Variants in TMEM163 observed in about 807,000 individuals in gnomAD.
TMEM163 encodes transmembrane protein 163.
Under a neutral mutation model 29.3 loss-of-function variants are expected in TMEM163, and 17 were observed. The observed-to-expected ratio is 0.58, with a 90% CI of 0.40 to 0.87. The LOEUF is 0.87. Ranked by LOEUF, TMEM163 falls within the 40% of genes least tolerant of loss-of-function variation. The pLI is 0.00. For synonymous variants in TMEM163, 157 were observed against 160.6 expected (o/e 0.98, Z 0.17); for missense variants, 303 against 381.5 (o/e 0.79, Z 1.71).
chr2:134,683,498 A>T (rs1406857472), intron 2 of TMEM163, among the ~76,000 whole-genome samples: 1 of 152,216 alleles, frequency 6.6e-6, no homozygotes, highest in Non-Finnish European at 1.5e-5. Flanking sequence ...CCACCAGAAC[A>T]ACTTTTCTGA....
intron 2 of TMEM163, among the ~76,000 whole-genome samples, chr2:134,564,612 AC>A (rs1411037108): frequency 2.0e-5 from 3 of 152,238 alleles, no homozygotes; most frequent in African/African-American, 7.2e-5. Flanking sequence ...AAACATAACT[AC>A]CAGGGGACTT....
At chr2:134,653,677 G>T (rs1452697782) in intron 2 of TMEM163, among the ~76,000 whole-genome samples, 1 of 75,370 alleles carries the variant, frequency 1.3e-5, no homozygotes, top group African/African-American at 9.6e-5. Context: ...TTCTCTTGTG[G>T]GCATTTAGTG....
rs150628262 is a variant in TMEM163, at chr2:134,470,427, A to G, written c.556-4202T>C. On this transcript the variant is annotated intron_variant, in intron 5 of 7. Coordinates refer to ENST00000281924, the MANE Select transcript of TMEM163 (RefSeq NM_030923.5). ...CAGGGCCCGGCACAGAGTGAATGCT[A>G]TATTAGTATTGGGAAGCTAAGTTTT... Among the ~76,000 whole-genome samples, 493 of 151,914 alleles carry G rather than the reference A, an allele frequency of 3.2e-3. 3 individuals are homozygous for G. The highest frequency in any genetic ancestry group is 0.011 in the African/African-American group (447 of 41,322).
chr2:134,710,100 T>C (rs982478877), intron 2 of TMEM163, among the ~76,000 whole-genome samples: 1 of 152,204 alleles, frequency 6.6e-6, no homozygotes, highest in Non-Finnish European at 1.5e-5. Flanking sequence ...TGATATATTA[T>C]GTCTCCCTAA....
intron 1 of TMEM163, among the ~76,000 whole-genome samples, chr2:134,714,318 A>T (rs1047315127): frequency 1.3e-5 from 2 of 152,254 alleles, no homozygotes; most frequent in African/African-American, 4.8e-5. Flanking sequence ...TACAACTTTC[A>T]GAGGTTGAGC....
intron 4 of TMEM163, among the ~76,000 whole-genome samples, chr2:134,511,231 G>C (rs557809555): frequency 6.6e-6 from 1 of 151,308 alleles, no homozygotes; most frequent in Admixed American, 6.6e-5. Flanking sequence ...AGACCTACCA[G>C]ATGGGAGAGT....
At position 134,460,055 on chromosome 2, in the gene TMEM163, C is replaced by T. The variant is rs988112225; in HGVS notation, c.668-1882G>A. Among the ~76,000 whole-genome samples the T allele has an allele frequency of 9.5e-5, 14 of 148,124 alleles. No homozygotes were observed. Among genetic ancestry groups the T allele is most frequent in the Middle Eastern group, 3.5e-3 (1 of 286 alleles). On this transcript the variant is annotated intron_variant, in intron 6 of 7. Coordinates refer to ENST00000281924, the MANE Select transcript of TMEM163 (RefSeq NM_030923.5). The surrounding 1 kb of genome is among the most constrained non-coding windows in gnomAD (Gnocchi z 4.3). ...TCCCTTACACCACCAACCTGCCCCT[C>T]GAGCCCCTTGCCAGATGTTACCCCC...
intron 5 of TMEM163, among the ~76,000 whole-genome samples, chr2:134,497,042 G>T (rs1327517004): frequency 6.6e-6 from 1 of 152,080 alleles, no homozygotes; most frequent in Non-Finnish European, 1.5e-5. Flanking sequence ...CTGCTTACTG[G>T]GGAAGGTCCC....
chr2:134,532,951 C>T (rs1680446677), intron 4 of TMEM163, among the ~76,000 whole-genome samples: 1 of 152,150 alleles, frequency 6.6e-6, no homozygotes, highest in Admixed American at 6.5e-5. Context: ...CACACCCTTA[C>T]CAACAAACCA....
intron 5 of TMEM163, among the ~76,000 whole-genome samples, chr2:134,472,683 T>G (rs141374647): frequency 1.1e-3 from 166 of 152,354 alleles, no homozygotes; most frequent in Non-Finnish European, 1.9e-3. Flanking sequence ...TTTACATAAC[T>G]GATAGAACAA....
intron 4 of TMEM163, among the ~76,000 whole-genome samples, chr2:134,531,027 T>C (rs1257338502): frequency 1.3e-5 from 2 of 152,212 alleles, no homozygotes; most frequent in Admixed American, 6.5e-5. Context: ...TATCAGCTTG[T>C]ATCAATCTGG....
chr2:134,558,080 A>G (rs1321861826), intron 2 of TMEM163, among the ~76,000 whole-genome samples: 6 of 152,210 alleles, frequency 3.9e-5, no homozygotes, highest in African/African-American at 1.4e-4. Context: ...TCTGTGATAC[A>G]TATCTGGGAC....
intron 1 of TMEM163, among the ~76,000 whole-genome samples, chr2:134,717,472 GC>G (rs768271441): frequency 3.9e-5 from 6 of 152,198 alleles, no homozygotes; most frequent in Non-Finnish European, 7.3e-5. Context: ...TCTGGGAACT[GC>G]CGTTTCCATG....
At chr2:134,563,392 G>C (rs1681226005) in intron 2 of TMEM163, among the ~76,000 whole-genome samples, 1 of 152,186 alleles carries the variant, frequency 6.6e-6, no homozygotes, top group Admixed American at 6.5e-5. Context: ...AGACAGAATA[G>C]GGGAACTAGA....
At chr2:134,476,253 TTA>T (rs1254518637) in intron 5 of TMEM163, among the ~76,000 whole-genome samples, 3 of 152,174 alleles carry the variant, frequency 2.0e-5, no homozygotes, top group African/African-American at 7.2e-5. Context: ...ACTATTTCAT[TTA>T]TATGACTGCA....
chr2:134,626,375 G>A (rs28480970), intron 2 of TMEM163, among the ~76,000 whole-genome samples: 4 of 152,112 alleles, frequency 2.6e-5, no homozygotes, highest in African/African-American at 7.2e-5. Flanking sequence ...AAAGTGCTGG[G>A]ATTACAGGTG....
chr2:134,536,420 T>C (rs1680541651), intron 4 of TMEM163, among the ~76,000 whole-genome samples: 1 of 151,946 alleles, frequency 6.6e-6, no homozygotes. Context: ...TCCTCCTGAG[T>C]ACATAGCACG....
Position 134,456,756 on chromosome 2 carries a change from G to C in TMEM163, c.830C>G (p.Pro277Arg). ...GTAGTGACGTGTCTGCCTCACCCTC[G>C]GCACCATGTCGATGAGGAGTCTGCA... ...YGVKLLIDMV[P>R]RVRQTRHYEM... Residue 277 changes from proline (P) to arginine (R), a missense_variant, in exon 8 of 8, where the codon CCG (proline) becomes CGG (arginine). Transcript: ENST00000281924. The C allele has an allele frequency of 6.2e-7, 1 of 1,613,776 alleles. No homozygotes were observed. The highest frequency in any genetic ancestry group is 1.3e-5 in the African/African-American group (1 of 74,964).
At chr2:134,481,697 G>A (rs1679189023) in intron 5 of TMEM163, among the ~76,000 whole-genome samples, 2 of 152,162 alleles carry the variant, frequency 1.3e-5, no homozygotes, top group Admixed American at 1.3e-4. Flanking sequence ...GACAGGGGAA[G>A]GAATAGGAGG....
Sources: allele counts gnomAD v4.1 joint callset (sites outside exome capture counted in the v4.1 genomes callset), GRCh38; gene constraint gnomAD v4.1.1; non-coding constraint Gnocchi (gnomAD v3.1); transcripts MANE v1.5; gene names NCBI Gene and HGNC (gene_info 2026-07-23, HGNC 2026-07-21).